Variants in HMCN1 observed in about 807,000 individuals in gnomAD.
HMCN1 encodes hemicentin-1.
HMCN1 carries 321 observed loss-of-function variants against 625.9 expected under a neutral mutation model. That is an observed-to-expected ratio of 0.51 (90% CI 0.47 to 0.56). The LOEUF (loss-of-function observed/expected upper bound fraction) is 0.56. Ranked by LOEUF, HMCN1 falls within the 20% of genes least tolerant of loss-of-function variation. HMCN1 has a pLI of 0.00. For missense variants in HMCN1, 6,588 were observed against 6,887.3 expected (o/e 0.96, Z 1.54); for synonymous variants, 2,425 against 2,417.6 (o/e 1.00, Z -0.09).
intron 11 of HMCN1, among the ~76,000 whole-genome samples, chr1:185,943,575 T>C (rs1216020197): frequency 1.3e-5 from 2 of 152,172 alleles, no homozygotes; most frequent in Admixed American, 6.6e-5. Context: ...ACAAAGTATA[T>C]GGGAGGTGGG....
At chr1:185,862,104 A>G (rs543829654) in intron 2 of HMCN1, among the ~76,000 whole-genome samples, 38 of 152,280 alleles carry the variant, frequency 2.5e-4, no homozygotes, top group African/African-American at 8.9e-4. Context: ...AATATTAAAC[A>G]TTTATAATAT....
rs779825937 is a variant in HMCN1, at chr1:186,137,705, A to T, written c.13753+37A>T. The T allele has an allele frequency of 1.9e-6, 3 of 1,613,946 alleles. No homozygotes were observed. In the East Asian group the frequency reaches 6.7e-5, roughly 36 times the overall value. On this transcript the variant is annotated intron_variant, in intron 88 of 106. Coordinates refer to ENST00000271588, the MANE Select transcript of HMCN1 (RefSeq NM_031935.3). ...TATTTAACTGATAGGCATGTGTTTA[A>T]TAGACCTTCATTTCTGTCTTCTACC... is the stretch of plus-strand genomic sequence containing the variant.
intron 11 of HMCN1, among the ~76,000 whole-genome samples, chr1:185,952,459 A>T (rs1408964919): frequency 6.6e-6 from 1 of 151,658 alleles, no homozygotes; most frequent in Non-Finnish European, 1.5e-5. Flanking sequence ...GAGGGAAAGA[A>T]GGAAGATTTG....
chr1:186,143,662 A>C (rs1183286749), intron 89 of HMCN1, among the ~76,000 whole-genome samples: 3 of 152,232 alleles, frequency 2.0e-5, no homozygotes, highest in Non-Finnish European at 4.4e-5. Flanking sequence ...TTGTTGAAAG[A>C]TCCAAGTACA....
chr1:185,752,147 A>T (rs1166300648), intron 1 of HMCN1, among the ~76,000 whole-genome samples: 1 of 152,130 alleles, frequency 6.6e-6, no homozygotes, highest in Non-Finnish European at 1.5e-5. Context: ...GGTGCTGTAC[A>T]GCTAGTATAA....
At chr1:186,135,382 G>A (rs1649532421) in intron 86 of HMCN1, among the ~76,000 whole-genome samples, 1 of 151,982 alleles carries the variant, frequency 6.6e-6, no homozygotes, top group Admixed American at 6.6e-5. Flanking sequence ...AAATAATGCT[G>A]TTGCAATGGT....
In HMCN1 at chr1:186,001,659, T is replaced by C; in HGVS notation, c.4266T>C (p.Thr1422=). 1 of 1,612,922 alleles carries C rather than the reference T, an allele frequency of 6.2e-7. No individual in the cohort carries two copies. Among genetic ancestry groups the C allele is most frequent in the East Asian group, 2.2e-5 (1 of 44,828 alleles). ...NGKILKLFRA[T]PEDAGRYSCK... ...AGATACTGAAGCTCTTCAGAGCCACTCCAGAGGATGCAGGAAGATATTCCT... is the reference window on the plus strand; with the variant it reads ...AGATACTGAAGCTCTTCAGAGCCACCCCAGAGGATGCAGGAAGATATTCCT... The change falls in exon 28 of 107, where the codon ACT becomes ACC. Residue 1422 remains threonine (T), a synonymous_variant. Transcript: ENST00000271588.
chr1:185,829,686 ATTTG>A (rs1660738519), intron 1 of HMCN1, among the ~76,000 whole-genome samples: 1 of 151,986 alleles, frequency 6.6e-6, no homozygotes, highest in African/African-American at 2.4e-5. Flanking sequence ...GATTCCATGT[ATTTG>A]TTATTGTAAA....
chr1:186,103,171 ATTG>A (rs1415160608), intron 68 of HMCN1, among the ~76,000 whole-genome samples: 1 of 151,970 alleles, frequency 6.6e-6, no homozygotes, highest in Non-Finnish European at 1.5e-5. Context: ...TTTGGTTTTT[ATTG>A]TTTTCAAATC....
chr1:186,126,617 G>T (rs1018368160), intron 82 of HMCN1, among the ~76,000 whole-genome samples: 4 of 152,076 alleles, frequency 2.6e-5, no homozygotes, highest in African/African-American at 9.7e-5. Context: ...AATATTGGAG[G>T]AGCAGACCGG....
At chr1:185,820,753 G>C (rs1179446052) in intron 1 of HMCN1, among the ~76,000 whole-genome samples, 1 of 152,032 alleles carries the variant, frequency 6.6e-6, no homozygotes, top group Non-Finnish European at 1.5e-5. Context: ...GTACTTTATG[G>C]GAAACAATGT....
intron 10 of HMCN1, among the ~76,000 whole-genome samples, chr1:185,932,087 A>C (rs1368691298): frequency 6.6e-6 from 1 of 152,232 alleles, no homozygotes; most frequent in Non-Finnish European, 1.5e-5. Context: ...GATTTAACAA[A>C]GTGTCCTGCA....
chr1:186,017,748 G>A (rs1467808289), intron 33 of HMCN1, among the ~76,000 whole-genome samples: 1 of 151,838 alleles, frequency 6.6e-6, no homozygotes, highest in Admixed American at 6.6e-5. Flanking sequence ...TAATATTTAG[G>A]AGCACTTGTC....
chr1:185,822,769 G>T (rs1188558761), intron 1 of HMCN1, among the ~76,000 whole-genome samples: 2 of 152,078 alleles, frequency 1.3e-5, no homozygotes. Flanking sequence ...TCTCATTTAT[G>T]ACTTTGTATT....
chr1:186,049,415 A>G (rs1161037076), intron 42 of HMCN1, among the ~76,000 whole-genome samples: 1 of 151,846 alleles, frequency 6.6e-6, no homozygotes, highest in African/African-American at 2.4e-5. Context: ...CACATACTTT[A>G]AAAAACTCAT....
At position 186,087,635 on chromosome 1, in the gene HMCN1, A is replaced by G. The variant is rs761756615; in HGVS notation, c.9353A>G (p.Lys3118Arg). The G allele has an allele frequency of 4.3e-6, 7 of 1,613,100 alleles. No individual in the cohort carries two copies. Among genetic ancestry groups the G allele is most frequent in the Non-Finnish European group, 5.9e-6 (7 of 1,179,272 alleles). ...GCTGATGGACAAATGCTACACATTA[A>G]GAAAGCTGAGGTGCATCTTTTATTC... is the stretch of plus-strand genomic sequence containing the variant. The part of the protein sequence containing the change: ...ILADGQMLHI[K>R]KAEVSDTGQY... The change falls in exon 60 of 107, where the codon AAG (lysine) becomes AGG (arginine). Residue 3118 changes from lysine (K) to arginine (R), a missense_variant. Lys to Arg is a conservative substitution (Grantham distance 26). Coordinates refer to ENST00000271588, the MANE Select transcript of HMCN1 (RefSeq NM_031935.3).
chr1:185,922,461 C>T lies in HMCN1; in HGVS notation c.983C>T (p.Thr328Ile). 4.3e-6 allele frequency: 7 copies of T among 1,613,658 alleles called. No homozygotes were observed. The highest frequency in any genetic ancestry group is 5.1e-6 in the Non-Finnish European group (6 of 1,179,758). ...CGAGCTGGCTTTTCTCGAAAGCCCA[C>T]CCTGGACTTCAAAAAAACAGTCAGC... ...DFRAGFSRKP[T>I]LDFKKTVSRP... The change falls in exon 7 of 107, where the codon ACC becomes ATC. Residue 328 changes from threonine (T) to isoleucine (I), a missense_variant. Thr to Ile is a moderately conservative substitution (Grantham distance 89). Around this residue, in one of 3 missense-constraint regions of HMCN1, gnomAD observed 4,628 missense variants for 4,853.1 expected, o/e 0.95. Coordinates refer to ENST00000271588, the MANE Select transcript of HMCN1 (RefSeq NM_031935.3).
chr1:185,832,029 CTCACGCCTATAAT>C (rs1340217794), intron 1 of HMCN1, among the ~76,000 whole-genome samples: 1 of 152,148 alleles, frequency 6.6e-6, no homozygotes, highest in Non-Finnish European at 1.5e-5. Flanking sequence ...GGCGTGGTGG[CTCACGCCTATAAT>C]TCCAGCACTT....
At chr1:186,166,779 C>A (rs373700101) in intron 99 of HMCN1, 29 bp from the exon 100 acceptor site, 18 of 1,614,068 alleles carry the variant, frequency 1.1e-5, no homozygotes, top group Non-Finnish European at 1.5e-5. Flanking sequence ...CTTCAGCTCA[C>A]CTCAGTTGAA....
Sources: gnomAD v4.1 joint callset for allele counts (sites outside exome capture counted in the v4.1 genomes callset) on GRCh38, gnomAD v4.1.1 for gene constraint, gnomAD v4.1.1 regional missense constraint, MANE v1.5 for transcripts, NCBI Gene and HGNC (gene_info 2026-07-23, HGNC 2026-07-21) for gene names.